The following ZC3H3 variants were observed in gnomAD, a reference collection of about 807,000 sequenced individuals.
ZC3H3 encodes the protein zinc finger CCCH domain-containing protein 3.
Under a neutral mutation model 77.3 loss-of-function variants are expected in ZC3H3, and 36 were observed. The observed-to-expected ratio is 0.47, with a 90% CI of 0.36 to 0.61. The LOEUF (loss-of-function observed/expected upper bound fraction) is 0.61. Ranked by LOEUF, ZC3H3 falls within the 20% of genes least tolerant of loss-of-function variation. The pLI is 0.00. For missense variants in ZC3H3, 1,331 were observed against 1,312.2 expected, an observed-to-expected ratio of 1.01 and a Z score of -0.22; for synonymous variants, 626 against 555.2, an observed-to-expected ratio of 1.13 and a Z score of -1.79.
chr8:143,475,734 C>G, intron 4 of ZC3H3, 149 bp from the exon 5 acceptor site: 1 of 930,448 alleles, frequency 1.1e-6, no homozygotes, highest in South Asian at 1.9e-5. Flanking sequence ...TGGGTGACCA[C>G]GGGCCATTGG....
intron 4 of ZC3H3, among the ~76,000 whole-genome samples, chr8:143,492,314 G>C (rs1052072501): frequency 6.6e-6 from 1 of 152,090 alleles, no homozygotes; most frequent in Non-Finnish European, 1.5e-5. Flanking sequence ...TGGCCCAGTG[G>C]GGGGGATCCG....
At chr8:143,502,786 T>A (rs1468030934) in intron 4 of ZC3H3, among the ~76,000 whole-genome samples, 1 of 152,126 alleles carries the variant, frequency 6.6e-6, no homozygotes, top group Non-Finnish European at 1.5e-5. Context: ...AAAAATTAAA[T>A]CCCCTCAGCA....
At chr8:143,522,357 C>T (rs564029718) in intron 3 of ZC3H3, among the ~76,000 whole-genome samples, 2 of 152,326 alleles carry the variant, frequency 1.3e-5, no homozygotes. Context: ...AATCCCAGCA[C>T]TTTGCGAGGC....
intron 4 of ZC3H3, among the ~76,000 whole-genome samples, chr8:143,481,712 T>C (rs1168528322): frequency 6.6e-6 from 1 of 152,224 alleles, no homozygotes; most frequent in East Asian, 1.9e-4. Context: ...CTGCTGCCAA[T>C]CCAGCTCCAG....
Position 143,534,049 on chromosome 8 carries a change from T to C in ZC3H3, c.1561+2208A>G, listed in dbSNP as rs538861348. ...CTGTAATCCCAGCACTTTAAGAGACTAAGGCAGGAGGATCACTTGAGCCCA... is the reference window on the plus strand; with the variant it reads ...CTGTAATCCCAGCACTTTAAGAGACCAAGGCAGGAGGATCACTTGAGCCCA... On this transcript the variant is annotated intron_variant, in intron 3 of 11. Coordinates refer to ENST00000262577, the MANE Select transcript of ZC3H3 (RefSeq NM_015117.3). Among the ~76,000 whole-genome samples the C allele has an allele frequency of 7.9e-5, 12 of 151,872 alleles. No homozygotes were observed. The South Asian group carries it at 2.5e-3, about 32-fold the overall frequency.
chr8:143,453,280 G>A (rs1264808428), intron 9 of ZC3H3, among the ~76,000 whole-genome samples: 1 of 151,634 alleles, frequency 6.6e-6, no homozygotes, highest in Non-Finnish European at 1.5e-5. Context: ...AAAGAGATGG[G>A]GTTTTGCCAT....
At position 143,538,636 on chromosome 8, in the gene ZC3H3, C is replaced by T. The variant is rs772431458; in HGVS notation, c.731G>A (p.Gly244Asp). The T allele has an allele frequency of 9.9e-6, 16 of 1,608,826 alleles. No homozygotes were observed. Among genetic ancestry groups the T allele is most frequent in the African/African-American group, 1.3e-5 (1 of 74,956 alleles). ...CACGGAATGAGAACCCAGCTTCCGG[C>T]CCAGGGCCACGCCAGTGCGTGGGGG... ...ALPPRTGVAL[G>D]RKLGSHSVAS... Residue 244 changes from glycine to aspartate, a missense_variant, in exon 2 of 12, where the codon GGC becomes GAC. Gly to Asp is a moderately conservative substitution (Grantham distance 94). Around this residue, in one of 3 missense-constraint regions of ZC3H3, gnomAD observed 978 missense variants for 915.5 expected, o/e 1.07. Coordinates refer to ENST00000262577, the MANE Select transcript of ZC3H3 (RefSeq NM_015117.3).
At chr8:143,503,240 C>A (rs2130406852) in intron 4 of ZC3H3, among the ~76,000 whole-genome samples, 1 of 152,282 alleles carries the variant, frequency 6.6e-6, no homozygotes, top group East Asian at 1.9e-4. Context: ...GGATGCCACC[C>A]GTTGAGGCAG....
intron 3 of ZC3H3, among the ~76,000 whole-genome samples, chr8:143,521,389 C>G (rs1340835645): frequency 9.7e-6 from 1 of 102,844 alleles, no homozygotes; most frequent in Non-Finnish European, 2.5e-5. Context: ...TCCTCAAGTC[C>G]TGGTGCCCCA....
rs772960203 is a variant in ZC3H3, at chr8:143,460,293, A to AAATAAATAAATAAAT, written c.2307+5423_2307+5424insATTTATTTATTTATT. Among the ~76,000 whole-genome samples, 1 of 140,180 alleles carries AAATAAATAAATAAAT rather than the reference A, an allele frequency of 7.1e-6. No individual in the cohort carries two copies. The highest frequency in any genetic ancestry group is 1.6e-5 in the Non-Finnish European group (1 of 62,780). The allele number at this position is 140,180 out of a possible 152,430, so 92.0% of individuals were successfully genotyped here. On this transcript the variant is annotated intron_variant, in intron 9 of 11. Coordinates refer to ENST00000262577, the MANE Select transcript of ZC3H3 (RefSeq NM_015117.3). This position sits in a 1 kb window ranked among gnomAD's most constrained non-coding sequence, Gnocchi z 4.0. The stretch of plus-strand genomic sequence containing the variant: ...ATAAATAAATAAATAAATAAATAAA[A>AAATAAATAAATAAAT]GGCATCCCAATTGAAAAGGAAGAAG...
intron 4 of ZC3H3, among the ~76,000 whole-genome samples, chr8:143,483,050 AAAC>A (rs1820949368): frequency 6.6e-6 from 1 of 152,212 alleles, no homozygotes; most frequent in Non-Finnish European, 1.5e-5. Context: ...GACACAGAGA[AAAC>A]AACCGGAGAA....
At chr8:143,527,380 C>T (rs987080674) in intron 3 of ZC3H3, among the ~76,000 whole-genome samples, 2 of 152,158 alleles carry the variant, frequency 1.3e-5, no homozygotes, top group African/African-American at 4.8e-5. Flanking sequence ...CAGGGTCCTA[C>T]GGTGGTATGA....
intron 3 of ZC3H3, among the ~76,000 whole-genome samples, 185 bp from the exon 4 acceptor site, chr8:143,508,084 C>T (rs564586087): frequency 5.3e-5 from 8 of 152,354 alleles, no homozygotes; most frequent in South Asian, 4.1e-4. Context: ...TGGCAGCCGA[C>T]GCTTCAGGAG....
At chr8:143,514,293 T>C (rs558391328) in intron 3 of ZC3H3, among the ~76,000 whole-genome samples, 1 of 152,202 alleles carries the variant, frequency 6.6e-6, no homozygotes, top group Admixed American at 6.5e-5. Context: ...CCTCAGGCCG[T>C]GTGTCCCCAC....
intron 9 of ZC3H3, among the ~76,000 whole-genome samples, chr8:143,464,555 G>A (rs951187311): frequency 1.3e-5 from 2 of 152,326 alleles, no homozygotes; most frequent in Non-Finnish European, 2.9e-5. Context: ...GAAGGAGTGC[G>A]TGGCCCAGCT....
intron 3 of ZC3H3, among the ~76,000 whole-genome samples, chr8:143,517,722 G>T (rs1390632979): frequency 6.6e-6 from 1 of 152,168 alleles, no homozygotes. Context: ...CACCTGGGAC[G>T]GGCCCTTCCC....
chr8:143,478,676 A>G (rs1402553036), intron 4 of ZC3H3, among the ~76,000 whole-genome samples: 2 of 152,092 alleles, frequency 1.3e-5, no homozygotes, highest in Non-Finnish European at 2.9e-5. Context: ...CGCCCGGCTA[A>G]TTTTTGTATT....
In ZC3H3 at chr8:143,530,048, G is replaced by A. The variant is rs1041534136; in HGVS notation, c.1561+6209C>T. On this transcript the variant is annotated intron_variant, in intron 3 of 11. Coordinates refer to ENST00000262577, the MANE Select transcript of ZC3H3 (RefSeq NM_015117.3). This position sits in a 1 kb window ranked among gnomAD's most constrained non-coding sequence, Gnocchi z 4.3. ...CACCCAGGGGCGGGCACGGCAGACTGAGGGACGGGTAGGAATCGCCCTCCG... is the reference window on the plus strand; with the variant it reads ...CACCCAGGGGCGGGCACGGCAGACTAAGGGACGGGTAGGAATCGCCCTCCG... 2.0e-5 allele frequency among the ~76,000 whole-genome samples: 3 copies of A among 152,214 alleles called. No individual in the cohort carries two copies. The highest frequency in any genetic ancestry group is 4.4e-5 in the Non-Finnish European group (3 of 68,040).
intron 5 of ZC3H3, among the ~76,000 whole-genome samples, chr8:143,472,632 CTG>C (rs1820602549): frequency 6.6e-6 from 1 of 152,212 alleles, no homozygotes; most frequent in South Asian, 2.1e-4. Context: ...TCTGTGGACA[CTG>C]AGGGATGGGA....
Sources: allele counts gnomAD v4.1 joint callset (sites outside exome capture counted in the v4.1 genomes callset), GRCh38; gene constraint gnomAD v4.1.1; regional missense constraint gnomAD v4.1.1; non-coding constraint Gnocchi (gnomAD v3.1); transcripts MANE v1.5; gene names NCBI Gene and HGNC (gene_info 2026-07-23, HGNC 2026-07-21).